PPEF1: variants seen among roughly 807,000 people sequenced by gnomAD.
PPEF1 encodes the protein protein phosphatase with EF-hand domain 1, also known as serine/threonine-protein phosphatase with EF-hands 1.
A neutral mutation model predicts 53.3 loss-of-function variants in PPEF1; 12 were observed. The ratio of observed to expected loss-of-function variants is 0.23; its 90% confidence interval spans 0.14 to 0.36. PPEF1 has a LOEUF of 0.36. Among genes scored for constraint, PPEF1 ranks in the 10% least tolerant of loss-of-function variants. The probability of loss-of-function intolerance (pLI) is 1.00; values close to 1 mark genes in which losing one functional copy is unlikely to be tolerated. For missense variants in PPEF1, 334 were observed against 490.4 expected (o/e 0.68, Z 3.01); for synonymous variants, 165 against 176.7 (o/e 0.93, Z 0.52).
At chrX:18,786,780 C>CAA (rs761641178) in intron 9 of PPEF1, among the ~76,000 whole-genome samples, 21 of 58,791 alleles carry the variant, frequency 3.6e-4, no homozygotes, top group Middle Eastern at 0.011. Flanking sequence ...AACACTATCT[C>CAA]AAAAAAAAAA....
At chrX:18,691,199 A>C (rs1929361368) in intron 4 of PPEF1, 2 of 111,866 alleles carry the variant, frequency 1.8e-5, no homozygotes, top group African/African-American at 6.5e-5. Context: ...TTAGTTGTTT[A>C]GCCCAACTCT....
rs375236378 is a variant in PPEF1, at chrX:18,755,438, G to A, written c.397-2189G>A. On this transcript the variant is annotated intron_variant, in intron 4 of 15. Transcript: ENST00000470157. ...AAAAATCAGCTGGGCATGGTGGCAC[G>A]TGCCTGTAGTCCCCGCTACTCGGGA... Among the ~76,000 whole-genome samples the A allele has an allele frequency of 1.5e-4, 17 of 111,321 alleles. No individual in the cohort carries two copies. In the South Asian group the frequency reaches 5.7e-3, roughly 37 times the overall value.
At chrX:18,708,949 C>G (rs781251913) in intron 1 of PPEF1, among the ~76,000 whole-genome samples, 2 of 109,797 alleles carry the variant, frequency 1.8e-5, no homozygotes, top group South Asian at 7.7e-4. Flanking sequence ...GCCAAATTTC[C>G]TAGGTTAAAA....
At chrX:18,820,325 G>A (rs2047006410) in intron 13 of PPEF1, among the ~76,000 whole-genome samples, 1 of 111,047 alleles carries the variant, frequency 9.0e-6, no homozygotes. Flanking sequence ...CCACGATAGA[G>A]GGAGGTTTTA....
At chrX:18,788,007 T>C (rs2046242572) in intron 9 of PPEF1, among the ~76,000 whole-genome samples, 1 of 111,427 alleles carries the variant, frequency 9.0e-6, no homozygotes, top group African/African-American at 3.3e-5. Context: ...TCCTACACAC[T>C]CTAGTTTGTA....
chrX:18,727,195 G>A (rs1160597187), intron 1 of PPEF1, among the ~76,000 whole-genome samples: 1 of 111,710 alleles, frequency 9.0e-6, no homozygotes, highest in Non-Finnish European at 1.9e-5. Context: ...GTCTCTGTCA[G>A]CTTCGCAGTG....
Position 18,824,032 on chromosome X carries a change from C to T in PPEF1, c.1611C>T (p.Asn537=), listed in dbSNP as rs1189340855. The change falls in exon 14 of 16, where the codon AAC becomes AAT. Residue 537 remains asparagine (N), a synonymous_variant. Transcript: ENST00000470157. ...SNLVNIDQNG[N]VEYMSSFQNI... ...TGGTAAACATAGACCAAAATGGAAACGTTGAATACATGTCCAGCTTCCAGA... is the reference window on the plus strand; with the variant it reads ...TGGTAAACATAGACCAAAATGGAAATGTTGAATACATGTCCAGCTTCCAGA... 2.5e-6 allele frequency: 3 copies of T among 1,205,504 alleles called. No individual in the cohort carries two copies. Among genetic ancestry groups the T allele is most frequent in the Admixed American group, 2.2e-5 (1 of 45,890 alleles).
chrX:18,727,479 C>A (rs146410291), intron 1 of PPEF1, among the ~76,000 whole-genome samples: 1,487 of 110,358 alleles, frequency 0.013, 34 homozygotes, highest in African/African-American at 0.046. Context: ...TTTCCCCTAA[C>A]CATTTTTTTT....
chrX:18,740,148 G>A (rs1421125164), intron 3 of PPEF1, among the ~76,000 whole-genome samples: 2 of 111,960 alleles, frequency 1.8e-5, no homozygotes, highest in Non-Finnish European at 3.8e-5. Context: ...TGTCCAATAA[G>A]CCCGAGTGAG....
intron 5 of PPEF1, among the ~76,000 whole-genome samples, chrX:18,699,673 C>A (rs954923402): frequency 1.8e-5 from 2 of 111,307 alleles, no homozygotes; most frequent in Non-Finnish European, 3.8e-5. Context: ...CTTTCCTTTC[C>A]CTTTCTGCTG....
At chrX:18,774,749 C>T (rs1041014107) in intron 6 of PPEF1, among the ~76,000 whole-genome samples, 1 of 111,764 alleles carries the variant, frequency 8.9e-6, no homozygotes, top group African/African-American at 3.3e-5. Flanking sequence ...CCTTTTTCCT[C>T]TTTAATTTGT....
chrX:18,685,580 G>A (rs983413603), intron 2 of PPEF1, among the ~76,000 whole-genome samples: 1 of 109,226 alleles, frequency 9.2e-6, no homozygotes, highest in African/African-American at 3.4e-5. Context: ...AGCTACTTGA[G>A]GGGCTGAGGC....
chrX:18,784,169 T>C (rs773127800), intron 9 of PPEF1, 121 bp downstream of exon 9: 1 of 649,107 alleles, frequency 1.5e-6, no homozygotes. Flanking sequence ...AGATTATAGA[T>C]TTTATTAGAG....
At chrX:18,725,994 A>C (rs762696016) in intron 1 of PPEF1, among the ~76,000 whole-genome samples, 1 of 111,246 alleles carries the variant, frequency 9.0e-6, no homozygotes, top group Non-Finnish European at 1.9e-5. Flanking sequence ...CTTTCTCCGC[A>C]TCAGGGAGGA....
chrX:18,703,125 GCACTGCTTACAAACT>G (rs1175963885), upstream of PPEF1, among the ~76,000 whole-genome samples: 1 of 110,663 alleles, frequency 9.0e-6, no homozygotes, highest in East Asian at 2.8e-4. Flanking sequence ...AAAGGCTCAC[GCACTGCTTACAAACT>G]CACTTCCCTC....
chrX:18,703,478 C>T (rs930640458), upstream of PPEF1, among the ~76,000 whole-genome samples: 2 of 111,855 alleles, frequency 1.8e-5, no homozygotes, highest in African/African-American at 6.5e-5. Context: ...CCTACCTGTG[C>T]ACAAAATGAT....
At chrX:18,692,040 T>G (rs1350519957) in intron 4 of PPEF1, among the ~76,000 whole-genome samples, 1 of 112,093 alleles carries the variant, frequency 8.9e-6, no homozygotes, top group Non-Finnish European at 1.9e-5. Flanking sequence ...CCTCTATAGC[T>G]TTACTCTATA....
At chrX:18,813,515 A>C (rs747903380) in intron 12 of PPEF1, among the ~76,000 whole-genome samples, 1 of 111,227 alleles carries the variant, frequency 9.0e-6, no homozygotes. Flanking sequence ...TAATGGAGAC[A>C]GTTTTACTTC....
chrX:18,785,707 A>G lies in PPEF1; in HGVS notation c.912+1659A>G, dbSNP rs1342259564. On this transcript the variant is annotated intron_variant, in intron 9 of 15. Coordinates refer to ENST00000470157, the MANE Select transcript of PPEF1 (RefSeq NM_001377996.1). ...AGACCAGTCTGGTCAACATAGCAAG[A>G]TGTCATCTCTACAAAAAAGAAAAAA... is the stretch of plus-strand genomic sequence containing the variant. Among the ~76,000 whole-genome samples the G allele has an allele frequency of 3.6e-5, 4 of 110,919 alleles. No homozygotes were observed. In the East Asian group the frequency reaches 8.5e-4, roughly 23 times the overall value.
Sources: allele counts gnomAD v4.1 joint callset (sites outside exome capture counted in the v4.1 genomes callset), GRCh38; gene constraint gnomAD v4.1.1; transcripts MANE v1.5; gene names NCBI Gene and HGNC (gene_info 2026-07-23, HGNC 2026-07-21).